The following PTPRN2 variants were observed in gnomAD, a reference collection of about 807,000 sequenced individuals.
PTPRN2 encodes protein tyrosine phosphatase receptor type N2.
PTPRN2 carries 74 observed loss-of-function variants against 118.8 expected under a neutral mutation model. The ratio of observed to expected loss-of-function variants is 0.62; its 90% CI spans 0.52 to 0.76. PTPRN2 has a LOEUF of 0.76. Ranked by LOEUF, PTPRN2 falls within the 30% of genes least tolerant of loss-of-function variation. The pLI is 0.00. For missense variants in PTPRN2, 1,481 were observed against 1,394.4 expected, an observed-to-expected ratio of 1.06 and a Z score of -0.99; for synonymous variants, 641 against 608.0, an observed-to-expected ratio of 1.05 and a Z score of -0.80.
chr7:157,840,437 C>T (rs1294064460), intron 12 of PTPRN2, among the ~76,000 whole-genome samples: 8 of 135,096 alleles, frequency 5.9e-5, no homozygotes, highest in Admixed American at 3.7e-4. Context: ...ACTGTGTGAC[C>T]GCGTGTGACT....
At chr7:158,541,663 G>A (rs78470553) in intron 1 of PTPRN2, 36,688 of 1,333,874 alleles carry the variant, frequency 0.028, 888 homozygotes, top group Admixed American at 0.09. Flanking sequence ...ACCAAGGTAC[G>A]AACGTTAGTT....
intron 3 of PTPRN2, among the ~76,000 whole-genome samples, chr7:158,231,604 T>TATA (rs1829166699): frequency 6.6e-6 from 1 of 152,192 alleles, no homozygotes; most frequent in South Asian, 2.1e-4. Flanking sequence ...AGAGTTAAAC[T>TATA]ATACACTACA....
chr7:158,173,197 C>A (rs902434425), intron 5 of PTPRN2, among the ~76,000 whole-genome samples: 10 of 152,176 alleles, frequency 6.6e-5, no homozygotes, highest in African/African-American at 1.2e-4. Context: ...AGCATCATCC[C>A]ACCATCAATA....
chr7:158,487,774 C>G (rs1197837291), intron 2 of PTPRN2, among the ~76,000 whole-genome samples: 4 of 151,978 alleles, frequency 2.6e-5, no homozygotes, highest in Admixed American at 1.3e-4. Flanking sequence ...GGAACCACTT[C>G]TCCTATCGCT....
chr7:157,778,233 A>G (rs2151045897), intron 12 of PTPRN2, among the ~76,000 whole-genome samples: 1 of 152,378 alleles, frequency 6.6e-6, no homozygotes, highest in East Asian at 1.9e-4. Flanking sequence ...ACGACTAAAC[A>G]TGTCCACGTG....
At position 158,517,348 on chromosome 7, in the gene PTPRN2, G is replaced by A. The variant is rs896187271; in HGVS notation, c.113-27563C>T. Among the ~76,000 whole-genome samples, 8 of 152,170 alleles carry A rather than the reference G, an allele frequency of 5.3e-5. No individual in the cohort carries two copies. Among genetic ancestry groups the A allele is most frequent in the Non-Finnish European group, 8.8e-5 (6 of 68,018 alleles). On this transcript the variant is annotated intron_variant, in intron 1 of 22. Transcript: ENST00000389418. The surrounding 1 kb of genome is among the most constrained non-coding windows in gnomAD (Gnocchi z 5.3). ...AACCGCAGCAACGACACCTATCACC[G>A]CCCACCACAGGCGCACTGTGGGCTG...
chr7:158,150,812 G>A (rs989959284), intron 6 of PTPRN2, among the ~76,000 whole-genome samples: 1 of 151,830 alleles, frequency 6.6e-6, no homozygotes, highest in Non-Finnish European at 1.5e-5. Context: ...CGTGTCCTGT[G>A]AACTCTCCCA....
intron 2 of PTPRN2, among the ~76,000 whole-genome samples, chr7:158,447,900 C>T (rs1455619788): frequency 6.6e-6 from 1 of 152,254 alleles, no homozygotes; most frequent in Non-Finnish European, 1.5e-5. Flanking sequence ...TTGCCCCACC[C>T]CGGCTCCTGG....
Position 158,125,188 on chromosome 7 carries a change from T to C in PTPRN2, c.1556+8489A>G, listed in dbSNP as rs572546265. ...CGGCCGCCTCCCTGTCTCGAGTCCC[T>C]CCCAGGGCCACCTCCCTGCCTGAAG... On this transcript the variant is annotated intron_variant, in intron 9 of 22. Transcript: ENST00000389418. Among the ~76,000 whole-genome samples, 3 of 148,312 alleles carry C rather than the reference T, an allele frequency of 2.0e-5. No individual in the cohort carries two copies. The South Asian group carries it at 6.5e-4, about 32-fold the overall frequency.
In PTPRN2 at chr7:157,676,254, G is replaced by C. The variant is rs1373858837; in HGVS notation, c.2001+6471C>G. 1.3e-5 allele frequency among the ~76,000 whole-genome samples: 2 copies of C among 152,018 alleles called. No individual in the cohort carries two copies. The highest frequency in any genetic ancestry group is 2.9e-5 in the Non-Finnish European group (2 of 68,014). On this transcript the variant is annotated intron_variant, in intron 13 of 22. Coordinates refer to ENST00000389418, the MANE Select transcript of PTPRN2 (RefSeq NM_002847.5). The surrounding 1 kb of genome is among the most constrained non-coding windows in gnomAD (Gnocchi z 5.6). ...TGCAAATGCCCACCCTCTTGGGTCT[G>C]TCCCTACCCTGCAGATGGCTCCAGC...
chr7:157,741,948 C>T (rs916979202), intron 12 of PTPRN2, among the ~76,000 whole-genome samples: 6 of 152,206 alleles, frequency 3.9e-5, no homozygotes, highest in Admixed American at 6.5e-5. Context: ...GTTGTGTCAA[C>T]GACGAACCAA....
intron 6 of PTPRN2, among the ~76,000 whole-genome samples, chr7:158,146,497 G>A (rs747958822): frequency 8.5e-5 from 13 of 152,058 alleles, no homozygotes; most frequent in East Asian, 1.9e-4. Context: ...TGAGGCATGC[G>A]GATCACGAGG....
At chr7:157,738,284 C>T (rs1261613776) in intron 12 of PTPRN2, among the ~76,000 whole-genome samples, 8 of 152,138 alleles carry the variant, frequency 5.3e-5, no homozygotes, top group Non-Finnish European at 8.8e-5. Context: ...CGACATCTCT[C>T]CCACCACCGG....
In PTPRN2 at chr7:157,808,506, T is replaced by C. The variant is rs1296035948; in HGVS notation, c.1788+90167A>G. Among the ~76,000 whole-genome samples, 1 of 152,082 alleles carries C rather than the reference T, an allele frequency of 6.6e-6. No homozygotes were observed. Among genetic ancestry groups the C allele is most frequent in the Non-Finnish European group, 1.5e-5 (1 of 68,028 alleles). Reference sequence around the variant, plus strand: ...CATGTGAGGGATCCAGGTTGCACGCTCCTTATGAAAATCTAATGCCTGATG... The same window carrying C: ...CATGTGAGGGATCCAGGTTGCACGCCCCTTATGAAAATCTAATGCCTGATG... On this transcript the variant is annotated intron_variant, in intron 12 of 22. Coordinates refer to ENST00000389418, the MANE Select transcript of PTPRN2 (RefSeq NM_002847.5). The surrounding 1 kb of genome is among the most constrained non-coding windows in gnomAD (Gnocchi z 5.0).
chr7:158,102,178 A>T (rs551122379), intron 10 of PTPRN2, among the ~76,000 whole-genome samples: 4 of 152,206 alleles, frequency 2.6e-5, no homozygotes, highest in Non-Finnish European at 4.4e-5. Flanking sequence ...CATCAGCAGC[A>T]GGGCGGCCAG....
chr7:158,334,047 G>C lies in PTPRN2; in HGVS notation c.164-17115C>G, dbSNP rs182600143. Among the ~76,000 whole-genome samples the C allele has an allele frequency of 2.8e-4, 12 of 43,560 alleles. 4 individuals are homozygous for C. The highest frequency in any genetic ancestry group is 5.2e-4 in the Non-Finnish European group (11 of 21,170). 28.6% of individuals were successfully genotyped at this position (43,560 alleles called of 152,430 possible). On this transcript the variant is annotated intron_variant, in intron 2 of 22. Transcript: ENST00000389418. Reference sequence around the variant, plus strand: ...ACTCACACTCACACTCTAGCCATAAGAGCTGACGCCCGCAGACGTCACTCA... The same window carrying C: ...ACTCACACTCACACTCTAGCCATAACAGCTGACGCCCGCAGACGTCACTCA...
intron 1 of PTPRN2, among the ~76,000 whole-genome samples, chr7:158,564,638 A>G (rs1028043126): frequency 1.3e-5 from 2 of 152,194 alleles, no homozygotes; most frequent in African/African-American, 4.8e-5. Context: ...CCCCAGGAAT[A>G]CCTGGCTTGA....
At chr7:158,306,320 T>TGCCTGCCCAGGCTGTGC (rs1801282546) in intron 3 of PTPRN2, among the ~76,000 whole-genome samples, 1 of 152,204 alleles carries the variant, frequency 6.6e-6, no homozygotes. Flanking sequence ...GAGGGCTGTG[T>TGCCTGCCCAGGCTGTGC]GCCTGCCCAG....
chr7:158,196,373 AG>A (rs1826211658), intron 4 of PTPRN2, among the ~76,000 whole-genome samples: 1 of 152,186 alleles, frequency 6.6e-6, no homozygotes, highest in African/African-American at 2.4e-5. Flanking sequence ...GCTGGGGGCA[AG>A]TGTCATCGCC....
Sources: allele counts gnomAD v4.1 joint callset (sites outside exome capture counted in the v4.1 genomes callset), GRCh38; gene constraint gnomAD v4.1.1; non-coding constraint Gnocchi (gnomAD v3.1); transcripts MANE v1.5; gene names NCBI Gene and HGNC (gene_info 2026-07-23, HGNC 2026-07-21).